The following B3GALT1 variants were observed in gnomAD, a reference collection of about 807,000 sequenced individuals.
B3GALT1 encodes the protein beta-1,3-galactosyltransferase 1, also known as UDP-Gal:betaGlcNAc beta 1,3-galactosyltransferase, polypeptide 1.
A neutral mutation model predicts 23.2 loss-of-function variants in B3GALT1; 10 were observed. That is an observed-to-expected ratio of 0.43 (90% CI 0.27 to 0.73). The LOEUF (loss-of-function observed/expected upper bound fraction) is 0.73. Among genes scored for constraint, B3GALT1 ranks in the 30% least tolerant of loss-of-function variants. The pLI is 0.21. For synonymous variants in B3GALT1, 156 were observed against 141.5 expected, an observed-to-expected ratio of 1.10 and a Z score of -0.73; for missense variants, 299 against 405.4, an observed-to-expected ratio of 0.74 and a Z score of 2.25.
intron 1 of B3GALT1, among the ~76,000 whole-genome samples, chr2:167,365,230 C>A (rs1231737669): frequency 1.3e-5 from 2 of 152,054 alleles, no homozygotes; most frequent in African/African-American, 4.8e-5. Flanking sequence ...CTTCATAGAT[C>A]AGAAACTGAA....
At chr2:167,309,136 T>C (rs1291425263) in intron 1 of B3GALT1, among the ~76,000 whole-genome samples, 3 of 152,098 alleles carry the variant, frequency 2.0e-5, no homozygotes, top group Non-Finnish European at 4.4e-5. Flanking sequence ...TAGCTCATAA[T>C]TGAAGGAAAT....
Position 167,868,821 on chromosome 2 carries a change from A to C in B3GALT1, c.-219A>C, listed in dbSNP as rs1574311536. ...TTATTGATTTTGCAGAGTTAAGAGG[A>C]AGATTTATGAGTCATGGAACCCTCC... On this transcript the variant is annotated 5_prime_UTR_variant, in exon 5 of 5. Coordinates refer to ENST00000392690, the MANE Select transcript of B3GALT1 (RefSeq NM_020981.4). 1 of 504,374 alleles carries C rather than the reference A, an allele frequency of 2.0e-6. No homozygotes were observed. The highest frequency in any genetic ancestry group is 3.5e-6 in the Non-Finnish European group (1 of 289,748). The allele number at this position is 504,374 out of a possible 1,614,324, so 31.2% of individuals were successfully genotyped here. A position where few individuals can be genotyped will look rare whatever the true frequency, so the allele number is the denominator to read the frequency against.
chr2:167,306,641 A>G (rs1032427277), intron 1 of B3GALT1, among the ~76,000 whole-genome samples: 1 of 152,030 alleles, frequency 6.6e-6, no homozygotes, highest in African/African-American at 2.4e-5. Context: ...TTTGCATGCA[A>G]TACAGTGCAT....
intron 1 of B3GALT1, among the ~76,000 whole-genome samples, chr2:167,410,422 C>T (rs1319789554): frequency 6.8e-6 from 1 of 146,958 alleles, no homozygotes; most frequent in African/African-American, 2.5e-5. Flanking sequence ...ACCTGGGAGG[C>T]GGAGCTTGCA....
At chr2:167,431,542 T>A (rs1698704223) in intron 1 of B3GALT1, among the ~76,000 whole-genome samples, 1 of 152,252 alleles carries the variant, frequency 6.6e-6, no homozygotes, top group South Asian at 2.1e-4. Context: ...GTTTTGCTTT[T>A]AGAATATTAG....
At chr2:167,855,825 C>G (rs1689990803) in intron 4 of B3GALT1, among the ~76,000 whole-genome samples, 1 of 152,076 alleles carries the variant, frequency 6.6e-6, no homozygotes, top group Non-Finnish European at 1.5e-5. Context: ...GATGGACTTT[C>G]AAATTATGTA....
In B3GALT1 at chr2:167,623,677, A is replaced by G. The variant is rs567573488; in HGVS notation, c.-409-23232A>G. Among the ~76,000 whole-genome samples the G allele has an allele frequency of 2.6e-5, 4 of 152,070 alleles. No individual in the cohort carries two copies. The South Asian group carries it at 8.3e-4, about 32-fold the overall frequency. On this transcript the variant is annotated intron_variant, in intron 2 of 4. Transcript: ENST00000392690. ...GATGACGGGTTGATGGGTGCACCAA[A>G]CCACCATGGCACATGTGTACCTATG... is the stretch of plus-strand genomic sequence containing the variant.
At chr2:167,379,134 G>A (rs1697805085) in intron 1 of B3GALT1, among the ~76,000 whole-genome samples, 1 of 152,148 alleles carries the variant, frequency 6.6e-6, no homozygotes, top group Non-Finnish European at 1.5e-5. Context: ...ATGGTGGAAG[G>A]TGAAGGGGAA....
chr2:167,806,366 T>C (rs1364839445), intron 3 of B3GALT1, among the ~76,000 whole-genome samples: 1 of 152,228 alleles, frequency 6.6e-6, no homozygotes, highest in African/African-American at 2.4e-5. Context: ...CAACACTATG[T>C]TGAATAGGAG....
intron 1 of B3GALT1, among the ~76,000 whole-genome samples, chr2:167,447,713 G>T (rs1390167265): frequency 2.0e-5 from 3 of 152,132 alleles, no homozygotes; most frequent in Non-Finnish European, 4.4e-5. Context: ...CATTGGAAAA[G>T]CACAATATTA....
chr2:167,712,567 T>C (rs182724764), intron 3 of B3GALT1, among the ~76,000 whole-genome samples: 11 of 152,070 alleles, frequency 7.2e-5, no homozygotes, highest in Admixed American at 4.6e-4. Context: ...TTTTTAAAGT[T>C]TTGCGGGGTT....
intron 2 of B3GALT1, among the ~76,000 whole-genome samples, chr2:167,613,434 T>A (rs964327205): frequency 1.3e-5 from 2 of 151,314 alleles, no homozygotes; most frequent in Non-Finnish European, 3.0e-5. Context: ...ATAAAAAATA[T>A]AATTATATTC....
chr2:167,425,911 G>A (rs1001571039), intron 1 of B3GALT1, among the ~76,000 whole-genome samples: 1 of 152,090 alleles, frequency 6.6e-6, no homozygotes, highest in Non-Finnish European at 1.5e-5. Context: ...AAAAAATATT[G>A]TTCTGACATC....
At chr2:167,562,088 C>T (rs148167383) in intron 2 of B3GALT1, among the ~76,000 whole-genome samples, 6,222 of 152,196 alleles carry the variant, frequency 0.041, 248 homozygotes, top group African/African-American at 0.1. Flanking sequence ...TCCAGCAGCA[C>T]GTCAAAAAGC....
chr2:167,849,783 G>A (rs997349495), intron 4 of B3GALT1, among the ~76,000 whole-genome samples: 5 of 151,714 alleles, frequency 3.3e-5, no homozygotes, highest in African/African-American at 4.8e-5. Flanking sequence ...CCAGCTACTC[G>A]GGAGGCTGAG....
At chr2:167,691,210 G>T (rs1437250628) in intron 3 of B3GALT1, among the ~76,000 whole-genome samples, 1 of 152,004 alleles carries the variant, frequency 6.6e-6, no homozygotes, top group Non-Finnish European at 1.5e-5. Flanking sequence ...TCCTTCTTCA[G>T]AGCTGGTCAG....
intron 2 of B3GALT1, among the ~76,000 whole-genome samples, chr2:167,545,440 C>T (rs1683619844): frequency 6.6e-6 from 1 of 152,114 alleles, no homozygotes; most frequent in African/African-American, 2.4e-5. Context: ...TGGTGGGCCT[C>T]ACTGGTTAAA....
intron 3 of B3GALT1, among the ~76,000 whole-genome samples, chr2:167,790,037 G>A (rs1688407248): frequency 1.3e-5 from 2 of 150,838 alleles, no homozygotes; most frequent in Admixed American, 6.6e-5. Context: ...AGAGACAGGA[G>A]TTTTGTTTTG....
intron 1 of B3GALT1, among the ~76,000 whole-genome samples, chr2:167,472,752 A>G (rs1699435155): frequency 6.6e-6 from 1 of 151,844 alleles, no homozygotes; most frequent in African/African-American, 2.4e-5. Context: ...CATTTTTGTA[A>G]TTGAAGTATA....
Sources: allele counts gnomAD v4.1 joint callset (sites outside exome capture counted in the v4.1 genomes callset), GRCh38; gene constraint gnomAD v4.1.1; transcripts MANE v1.5; gene names NCBI Gene and HGNC (gene_info 2026-07-23, HGNC 2026-07-21).